Variants in BSG observed in about 807,000 individuals in gnomAD.
BSG encodes the protein basigin (Ok blood group), also known as basigin.
Under a neutral mutation model 43.1 loss-of-function variants are expected in BSG, and 37 were observed. The ratio of observed to expected loss-of-function variants is 0.86; its 90% CI spans 0.66 to 1.13. The LOEUF is 1.13. Ranked by LOEUF, BSG falls within the 50% of genes most tolerant of loss-of-function variation. The probability of loss-of-function intolerance (pLI) is 0.00; values close to 1 mark genes in which losing one functional copy is unlikely to be tolerated. For synonymous variants in BSG, 309 were observed against 238.7 expected, an observed-to-expected ratio of 1.29 and a Z score of -2.72; for missense variants, 599 against 554.2, an observed-to-expected ratio of 1.08 and a Z score of -0.81.
chr19:582,480 G>C (rs776051207), intron 7 of BSG, 34 bp from the exon 8 acceptor site: 319 of 1,604,830 alleles, frequency 2.0e-4, no homozygotes, highest in Non-Finnish European at 2.6e-4. Flanking sequence ...TGACTTGCGG[G>C]GGACACCCTC....
At chr19:573,959 AAGATTTAT>A (rs1981524856) in intron 1 of BSG, among the ~76,000 whole-genome samples, 2 of 152,352 alleles carry the variant, frequency 1.3e-5, no homozygotes, top group Admixed American at 1.3e-4. Context: ...TTCTGGGTTA[AAGATTTAT>A]AGTGAGGCCG....
At chr19:573,392 T>A (rs1171199015) in intron 1 of BSG, among the ~76,000 whole-genome samples, 1 of 152,194 alleles carries the variant, frequency 6.6e-6, no homozygotes, top group Non-Finnish European at 1.5e-5. Flanking sequence ...GGCGCTCCCT[T>A]CTGGAAAAGG....
At chr19:573,385 G>C (rs1981464011) in intron 1 of BSG, among the ~76,000 whole-genome samples, 1 of 152,212 alleles carries the variant, frequency 6.6e-6, no homozygotes, top group Non-Finnish European at 1.5e-5. Context: ...TCATCTTGGC[G>C]CTCCCTTCTG....
At chr19:582,433 C>T (rs2145904447) in intron 7 of BSG, 81 bp from the exon 8 acceptor site, 3 of 1,408,974 alleles carry the variant, frequency 2.1e-6, no homozygotes, top group Middle Eastern at 1.9e-4. Context: ...TTCGGGGGTC[C>T]TGGGGGCCGG....
intron 1 of BSG, 33 bp downstream of exon 1, chr19:572,734 C>G (rs755154547): frequency 7.0e-7 from 1 of 1,434,258 alleles, no homozygotes; most frequent in South Asian, 1.4e-5. Context: ...GGGTGCGGTC[C>G]TGCAGGGGCC....
At chr19:572,102 T>C (rs1981289436), upstream of BSG, 1 of 151,742 alleles carries the variant, frequency 6.6e-6, no homozygotes, top group Non-Finnish European at 1.5e-5. Flanking sequence ...TATATATATA[T>C]ATGTACATTT....
intron 6 of BSG, 69 bp downstream of exon 6, chr19:581,660 C>T (rs1439220178): frequency 1.2e-4 from 170 of 1,475,030 alleles, no homozygotes; most frequent in Non-Finnish European, 1.3e-4. Flanking sequence ...CTGGTCCGTC[C>T]CTGCCAGCCC....
intron 6 of BSG, among the ~76,000 whole-genome samples, chr19:581,826 C>T (rs1167330314): frequency 6.6e-6 from 1 of 152,268 alleles, no homozygotes. Context: ...GCCCCACAGC[C>T]TCACCCGGCC....
Position 580,639 on chromosome 19 carries a change from C to T in BSG, c.656-7C>T, listed in dbSNP as rs1226108705. 1 of 1,612,730 alleles carries T rather than the reference C, an allele frequency of 6.2e-7. No individual in the cohort carries two copies. The highest frequency in any genetic ancestry group is 8.5e-7 in the Non-Finnish European group (1 of 1,179,874). ...TTCCAGGCTCCTCTCTCTCACCCTC[C>T]TGTCAGGGCCTCCCAGAGTGAAGGC... On this transcript the variant is annotated splice_region_variant and splice_polypyrimidine_tract_variant and intron_variant, in intron 4 of 8. Transcript: ENST00000333511.
chr19:582,266 T>C, intron 6 of BSG, 40 bp from the exon 7 acceptor site: 1 of 1,604,354 alleles, frequency 6.2e-7, no homozygotes, highest in Non-Finnish European at 8.5e-7. Flanking sequence ...TGACAGGCTG[T>C]CCTCTCGTCC....
chr19:572,582 C>T, upstream of BSG: 2 of 1,436,490 alleles, frequency 1.4e-6, no homozygotes, highest in East Asian at 3.1e-5. Context: ...ATAGCGGCCG[C>T]GGGCGGCGGC....
chr19:572,311 C>A (rs990305543), upstream of BSG: 22 of 892,740 alleles, frequency 2.5e-5, no homozygotes, highest in Middle Eastern at 5.4e-4. Context: ...CCGCTCTGCG[C>A]TCATTGCAAC....
intron 4 of BSG, 47 bp from the exon 5 acceptor site, chr19:580,599 G>T (rs1488804169): frequency 6.2e-7 from 1 of 1,609,402 alleles, no homozygotes; most frequent in Non-Finnish European, 8.5e-7. Flanking sequence ...GCCGGGGATG[G>T]GGGCGGGCCT....
rs1336314873 is a variant in BSG at position 579,644 on chromosome 19, A to G, written c.560A>G (p.Lys187Arg). ...AAGGAGGACGCGCTGCCCGGCCAGA[A>G]AACGGAGTTCAAGTGAGTGCCTGAC... ...VLKEDALPGQ[K>R]TEFKVDSDDQ... Residue 187 changes from lysine (K) to arginine (R), a missense_variant, in exon 3 of 9, where the codon AAA (lysine) becomes AGA (arginine). Lys to Arg is a conservative substitution (Grantham distance 26). Coordinates refer to ENST00000333511, the MANE Select transcript of BSG (RefSeq NM_001728.4). 6.2e-7 allele frequency: 1 copy of G among 1,609,904 alleles called. No homozygotes were observed. The highest frequency in any genetic ancestry group is 1.3e-5 in the African/African-American group (1 of 75,012).
intron 6 of BSG, among the ~76,000 whole-genome samples, chr19:582,014 T>C (rs1261636456): frequency 6.6e-6 from 1 of 152,206 alleles, no homozygotes. Flanking sequence ...GCGAGGCCTG[T>C]GTGGGGCCTG....
chr19:577,190 T>C (rs1981852608), intron 1 of BSG, among the ~76,000 whole-genome samples: 1 of 152,068 alleles, frequency 6.6e-6, no homozygotes, highest in Non-Finnish European at 1.5e-5. Context: ...AGGGGAGGCG[T>C]GTGGCTGGAG....
Position 572,609 on chromosome 19 carries a change from TGTAGGACCG to T in BSG, c.-24_-16del. ...GGCGGCGGCGGCAGCGGTTGGAGGT[TGTAGGACCG>T]GCGAGGAATAGGAATCATGGCGGCT... On this transcript the variant is annotated 5_prime_UTR_variant, in exon 1 of 9. Coordinates refer to ENST00000333511, the MANE Select transcript of BSG (RefSeq NM_001728.4). 6.7e-7 allele frequency: 1 copy of T among 1,485,074 alleles called. No individual in the cohort carries two copies. The highest frequency in any genetic ancestry group is 9.0e-7 in the Non-Finnish European group (1 of 1,113,904). The allele number at this position is 1,485,074 out of a possible 1,614,324, so 92.0% of individuals were successfully genotyped here.
intron 1 of BSG, among the ~76,000 whole-genome samples, chr19:577,312 T>G (rs1981863593): frequency 6.6e-6 from 1 of 152,140 alleles, no homozygotes; most frequent in African/African-American, 2.4e-5. Flanking sequence ...CGGGCTGTCC[T>G]AACGGAGCCG....
chr19:573,225 C>G (rs1474049075), intron 1 of BSG, among the ~76,000 whole-genome samples: 1 of 152,162 alleles, frequency 6.6e-6, no homozygotes, highest in Non-Finnish European at 1.5e-5. Flanking sequence ...CCCAACCCGT[C>G]CTGCTGGGGC....
Sources: gnomAD v4.1 joint callset for allele counts (sites outside exome capture counted in the v4.1 genomes callset) on GRCh38, gnomAD v4.1.1 for gene constraint, MANE v1.5 for transcripts, NCBI Gene and HGNC (gene_info 2026-07-23, HGNC 2026-07-21) for gene names.